Variants in RGSL1 observed in about 807,000 individuals in gnomAD.
RGSL1 encodes regulator of G protein signaling like 1, also known as regulator of G protein signaling protein-like.
Under a neutral mutation model 124.7 loss-of-function variants are expected in RGSL1, and 97 were observed. That is an observed-to-expected ratio of 0.78 (90% CI 0.66 to 0.92). The LOEUF is 0.92. Ranked by LOEUF, RGSL1 falls within the 40% of genes least tolerant of loss-of-function variation. The probability of loss-of-function intolerance (pLI) is 0.00; values close to 1 mark genes in which losing one functional copy is unlikely to be tolerated. For synonymous variants in RGSL1, 424 were observed against 438.1 expected, an observed-to-expected ratio of 0.97 and a Z score of 0.40; for missense variants, 1,233 against 1,288.4, an observed-to-expected ratio of 0.96 and a Z score of 0.66.
intron 8 of RGSL1, among the ~76,000 whole-genome samples, chr1:182,490,720 C>T (rs1655455018): frequency 6.6e-6 from 1 of 152,104 alleles, no homozygotes; most frequent in Non-Finnish European, 1.5e-5. Flanking sequence ...GAATGTGAAC[C>T]ACCCTCCATG....
At chr1:182,452,581 T>A (rs1265067784) in intron 1 of RGSL1, among the ~76,000 whole-genome samples, 2 of 151,402 alleles carry the variant, frequency 1.3e-5, no homozygotes, top group East Asian at 3.9e-4. Context: ...GCCTCCCAAG[T>A]AGTTGGGATT....
At chr1:182,511,388 T>C (rs1424720558) in intron 9 of RGSL1, among the ~76,000 whole-genome samples, 1 of 152,184 alleles carries the variant, frequency 6.6e-6, no homozygotes, top group Non-Finnish European at 1.5e-5. Flanking sequence ...GGTCTCAAAC[T>C]CCCGACCTCA....
rs1167556550 is a variant in RGSL1 at position 182,510,163 on chromosome 1, C to T, written c.1826-11841C>T. Among the ~76,000 whole-genome samples, 2 of 31,570 alleles carry T rather than the reference C, an allele frequency of 6.3e-5. 1 individual carries two copies. The highest frequency in any genetic ancestry group is 5.1e-4 in the Admixed American group (2 of 3,940). 20.7% of individuals were successfully genotyped at this position (31,570 alleles called of 152,430 possible). A position where few individuals can be genotyped will look rare whatever the true frequency, so the allele number is the denominator to read the frequency against. ...GCTCCTCATTTCCTAGATGGGATGG[C>T]GGCCGGGCGCAGACGCTCCTCACTT... On this transcript the variant is annotated intron_variant, in intron 9 of 21. Coordinates refer to ENST00000294854, the MANE Select transcript of RGSL1 (RefSeq NM_001137669.2).
intron 2 of RGSL1, among the ~76,000 whole-genome samples, chr1:182,455,741 C>A (rs1156821019): frequency 6.6e-6 from 1 of 152,198 alleles, no homozygotes; most frequent in Non-Finnish European, 1.5e-5. Context: ...CTCAGGAAGG[C>A]TGAAGAACAG....
At chr1:182,454,863 A>G (rs1243691184) in intron 2 of RGSL1, among the ~76,000 whole-genome samples, 4 of 152,142 alleles carry the variant, frequency 2.6e-5, no homozygotes, top group Non-Finnish European at 4.4e-5. Flanking sequence ...TGACATTTTA[A>G]CACTGGTGCC....
chr1:182,553,635 A>G, intron 19 of RGSL1, 94 bp downstream of exon 19: 3 of 989,194 alleles, frequency 3.0e-6, no homozygotes, highest in Non-Finnish European at 4.6e-6. Context: ...GACAATAAGG[A>G]GACTGAGACC....
Position 182,538,864 on chromosome 1 carries a change from T to A in RGSL1, c.2495-1383T>A, listed in dbSNP as rs141336242. Among the ~76,000 whole-genome samples, 347 of 151,912 alleles carry A rather than the reference T, an allele frequency of 2.3e-3. 1 individual carries two copies. Among genetic ancestry groups the A allele is most frequent in the African/African-American group, 7.6e-3 (316 of 41,454 alleles). On this transcript the variant is annotated intron_variant, in intron 14 of 21. Coordinates refer to ENST00000294854, the MANE Select transcript of RGSL1 (RefSeq NM_001137669.2). ...GGCTTTTGGAACAAATGAAAGATGA[T>A]GATGCTTTAAACAAATGTCACTGCA...
At chr1:182,456,550 G>A (rs982630920) in intron 2 of RGSL1, among the ~76,000 whole-genome samples, 3 of 152,218 alleles carry the variant, frequency 2.0e-5, no homozygotes, top group African/African-American at 4.8e-5. Flanking sequence ...CGCCTGCCTC[G>A]GCCTCCCAAA....
At chr1:182,487,142 A>AAT (rs1655155668) in intron 6 of RGSL1, among the ~76,000 whole-genome samples, 2 of 152,214 alleles carry the variant, frequency 1.3e-5, no homozygotes, top group Non-Finnish European at 2.9e-5. Flanking sequence ...TTGTCTCAGG[A>AAT]ATACACTTCA....
chr1:182,492,654 T>TC (rs1296447715), intron 8 of RGSL1, among the ~76,000 whole-genome samples: 1 of 150,288 alleles, frequency 6.7e-6, no homozygotes, highest in Non-Finnish European at 1.5e-5. Flanking sequence ...AGATGGATTC[T>TC]CCCTCTGTGG....
At chr1:182,482,783 G>A (rs1654812549) in intron 6 of RGSL1, among the ~76,000 whole-genome samples, 1 of 152,164 alleles carries the variant, frequency 6.6e-6, no homozygotes, top group African/African-American at 2.4e-5. Flanking sequence ...ATATTCAAAG[G>A]AATTAAAATC....
rs116334720 is a variant in RGSL1 at position 182,549,187 on chromosome 1, G to A, written c.2933+363G>A. The A allele has an allele frequency of 6.7e-3, 1,294 of 193,686 alleles. 17 individuals carry two copies. Among genetic ancestry groups the A allele is most frequent in the African/African-American group, 0.026 (1,116 of 42,896 alleles). 12.0% of individuals were successfully genotyped at this position (193,686 alleles called of 1,614,324 possible). A position where few individuals can be genotyped will look rare whatever the true frequency, so the allele number is the denominator to read the frequency against. On this transcript the variant is annotated intron_variant, in intron 17 of 21. Transcript: ENST00000294854. ...TCTGTCAAGACTAACACAACTGCTT[G>A]TGCTTAAGAAGCTACATGAAGAAAG...
At chr1:182,477,157 A>G (rs773247161) in intron 6 of RGSL1, among the ~76,000 whole-genome samples, 16 of 152,252 alleles carry the variant, frequency 1.1e-4, no homozygotes, top group Admixed American at 4.6e-4. Flanking sequence ...ACCCCAGTGG[A>G]GTTCAAGACC....
chr1:182,491,325 C>T (rs1424378813), intron 8 of RGSL1, among the ~76,000 whole-genome samples: 1 of 152,118 alleles, frequency 6.6e-6, no homozygotes, highest in Non-Finnish European at 1.5e-5. Context: ...ATGCAATTCT[C>T]CTGCCTCAGC....
At chr1:182,461,290 T>A (rs946355549) in intron 4 of RGSL1, among the ~76,000 whole-genome samples, 1 of 151,890 alleles carries the variant, frequency 6.6e-6, no homozygotes, top group African/African-American at 2.4e-5. Flanking sequence ...TCAGGCCAAT[T>A]CTTGGCACAG....
chr1:182,497,446 C>G lies in RGSL1; in HGVS notation c.1825+4317C>G, dbSNP rs372154435. 2.7e-4 allele frequency among the ~76,000 whole-genome samples: 41 copies of G among 151,136 alleles called. 1 individual carries two copies. Among genetic ancestry groups the G allele is most frequent in the African/African-American group, 9.7e-4 (40 of 41,194 alleles). ...CTGAAAATAAAAATTGCTATTTTCT[C>G]TTGAAAATAACAACTAACTTATAGA... On this transcript the variant is annotated intron_variant, in intron 9 of 21. Coordinates refer to ENST00000294854, the MANE Select transcript of RGSL1 (RefSeq NM_001137669.2).
At chr1:182,518,533 C>T (rs185331463) in intron 9 of RGSL1, among the ~76,000 whole-genome samples, 56 of 152,272 alleles carry the variant, frequency 3.7e-4, no homozygotes, top group South Asian at 2.5e-3. Flanking sequence ...CCCACTTACC[C>T]GCTTTGCCTC....
intron 14 of RGSL1, among the ~76,000 whole-genome samples, chr1:182,535,792 G>T (rs1394196161): frequency 6.6e-6 from 1 of 152,046 alleles, no homozygotes; most frequent in African/African-American, 2.4e-5. Context: ...TTTAGAATCA[G>T]TTTTTAAGCT....
chr1:182,518,410 T>C (rs1162995162), intron 9 of RGSL1, among the ~76,000 whole-genome samples: 5 of 152,134 alleles, frequency 3.3e-5, no homozygotes, highest in African/African-American at 1.2e-4. Flanking sequence ...TTTGTGCCTA[T>C]GGGACCTGTG....
Sources: gnomAD v4.1 joint callset for allele counts (sites outside exome capture counted in the v4.1 genomes callset) on GRCh38, gnomAD v4.1.1 for gene constraint, MANE v1.5 for transcripts, NCBI Gene and HGNC (gene_info 2026-07-23, HGNC 2026-07-21) for gene names.